POU2F1: variants seen among roughly 807,000 people sequenced by gnomAD.
The protein encoded by POU2F1 is POU class 2 homeobox 1, also known as POU domain, class 2, transcription factor 1.
In POU2F1, 16 loss-of-function variants were observed where a neutral mutation model predicts 84.9. The ratio of observed to expected loss-of-function variants is 0.19; its 90% CI spans 0.13 to 0.29. The LOEUF is 0.29. Among genes scored for constraint, POU2F1 ranks in the 10% least tolerant of loss-of-function variants. The pLI is 1.00. For synonymous variants in POU2F1, 368 were observed against 368.3 expected, an observed-to-expected ratio of 1.00 and a Z score of 0.01; for missense variants, 738 against 942.6, an observed-to-expected ratio of 0.78 and a Z score of 2.84.
chr1:167,275,893 C>T (rs1018330138), intron 1 of POU2F1, among the ~76,000 whole-genome samples: 1 of 152,106 alleles, frequency 6.6e-6, no homozygotes, highest in African/African-American at 2.4e-5. Flanking sequence ...TGGAAATATT[C>T]AAGAAAAAGT....
chr1:167,276,081 A>G (rs1652708951), intron 1 of POU2F1, among the ~76,000 whole-genome samples: 1 of 152,232 alleles, frequency 6.6e-6, no homozygotes, highest in African/African-American at 2.4e-5. Context: ...CCCACAGTCA[A>G]CTGCTGTCCA....
In POU2F1 at chr1:167,246,283, TC is replaced by T. The variant is rs567195348; in HGVS notation, c.61+25330del. On this transcript the variant is annotated intron_variant, in intron 1 of 15. Coordinates refer to ENST00000367866, the MANE Select transcript of POU2F1 (RefSeq NM_002697.4). The stretch of plus-strand genomic sequence containing the variant: ...TTCTTGAGAAATCAAATGCTGCTGT[TC>T]CCCCTTTCCTCCTAAAGCAAAGTTT... 4.0e-4 allele frequency among the ~76,000 whole-genome samples: 61 copies of T among 152,272 alleles called. 1 individual carries two copies. In the South Asian group the frequency reaches 6.8e-3, roughly 17 times the overall value.
At chr1:167,300,489 G>A (rs1048265806) in intron 1 of POU2F1, among the ~76,000 whole-genome samples, 2 of 152,110 alleles carry the variant, frequency 1.3e-5, no homozygotes, top group Admixed American at 6.5e-5. Flanking sequence ...TTTTTGAGAC[G>A]GAGTCTTGCT....
intron 1 of POU2F1, among the ~76,000 whole-genome samples, chr1:167,316,728 A>G (rs1397259297): frequency 6.6e-6 from 1 of 152,210 alleles, no homozygotes; most frequent in Non-Finnish European, 1.5e-5. Flanking sequence ...GAGAGAAAAC[A>G]TAAATTACCA....
chr1:167,247,050 G>A (rs1001071702), intron 1 of POU2F1, among the ~76,000 whole-genome samples: 57 of 151,452 alleles, frequency 3.8e-4, no homozygotes, highest in African/African-American at 1.3e-3. Context: ...GTGTGTGTGT[G>A]TGTGTGTGTG....
Position 167,378,909 on chromosome 1 carries a change from C to T in POU2F1, c.718+2754C>T, listed in dbSNP as rs557292833. On this transcript the variant is annotated intron_variant, in intron 7 of 15. Transcript: ENST00000367866. ...CTGGGATTACAGGCATGCGCCACCA[C>T]ACCCAGCTAATTTTGACTTTTTTTT... Among the ~76,000 whole-genome samples the T allele has an allele frequency of 2.0e-5, 3 of 151,554 alleles. No individual in the cohort carries two copies. In the South Asian group the frequency reaches 6.3e-4, roughly 32 times the overall value.
intron 1 of POU2F1, among the ~76,000 whole-genome samples, chr1:167,228,123 G>A (rs562845997): frequency 6.6e-6 from 1 of 152,276 alleles, no homozygotes; most frequent in African/African-American, 2.4e-5. Flanking sequence ...AGAATTTAGA[G>A]GAATGGGAAT....
At chr1:167,288,594 G>A (rs1008978071) in intron 1 of POU2F1, among the ~76,000 whole-genome samples, 7 of 152,186 alleles carry the variant, frequency 4.6e-5, no homozygotes, top group Admixed American at 2.0e-4. Flanking sequence ...GGAGGCTGAG[G>A]CAGGAGTGTT....
chr1:167,403,584 C>T (rs1213363930), intron 13 of POU2F1, among the ~76,000 whole-genome samples: 1 of 152,118 alleles, frequency 6.6e-6, no homozygotes, highest in Non-Finnish European at 1.5e-5. Context: ...ATACTGCCTT[C>T]TTTTTTTCTC....
At chr1:167,386,425 A>G (rs113453190) in intron 8 of POU2F1, among the ~76,000 whole-genome samples, 13 of 152,302 alleles carry the variant, frequency 8.5e-5, no homozygotes, top group South Asian at 8.3e-4. Context: ...GGCTCAAGCA[A>G]TCTGCGTGTC....
intron 13 of POU2F1, among the ~76,000 whole-genome samples, chr1:167,406,118 A>C (rs1461407071): frequency 2.6e-5 from 4 of 152,228 alleles, no homozygotes; most frequent in South Asian, 4.1e-4. Context: ...CAAAACTCTC[A>C]AAAGAATCTT....
chr1:167,374,875 G>A (rs1660224945), intron 6 of POU2F1, among the ~76,000 whole-genome samples: 1 of 152,112 alleles, frequency 6.6e-6, no homozygotes, highest in Admixed American at 6.5e-5. Context: ...AGACCATACT[G>A]GCTAACACGG....
chr1:167,426,913 G>C lies in POU2F1; in HGVS notation c.*11103G>C, dbSNP rs1303836785. The C allele has an allele frequency of 6.6e-6, 1 of 152,098 alleles. No individual in the cohort carries two copies. Among genetic ancestry groups the C allele is most frequent in the African/African-American group, 2.4e-5 (1 of 41,390 alleles). The allele number at this position is 152,098 out of a possible 1,614,324, so 9.4% of individuals were successfully genotyped here. A position where few individuals can be genotyped will look rare whatever the true frequency, so the allele number is the denominator to read the frequency against. Reference sequence around the variant, plus strand: ...GTAGCCTTACTGCCCCAGAGTGCCTGTTAGCCAAATATTTCCCCTCTGATA... The same window carrying C: ...GTAGCCTTACTGCCCCAGAGTGCCTCTTAGCCAAATATTTCCCCTCTGATA... On this transcript the variant is annotated 3_prime_UTR_variant, in exon 16 of 16. Transcript: ENST00000367866.
chr1:167,245,677 T>G (rs1650263198), intron 1 of POU2F1, among the ~76,000 whole-genome samples: 1 of 151,938 alleles, frequency 6.6e-6, no homozygotes, highest in Admixed American at 6.6e-5. Context: ...CCTCCCAAAG[T>G]GCTGGAATTA....
rs1268058904 is a variant in POU2F1 at position 167,389,628 on chromosome 1, A to G, written c.854A>G (p.Gln285Arg). ...CGCACAATAGCAGCAACCCCAATTC[A>G]GACACTTCCACAGAGCCAGTCAACA... is the stretch of plus-strand genomic sequence containing the variant. ...PTRTIAATPI[Q>R]TLPQSQSTPK... The change falls in exon 9 of 16, where the codon CAG becomes CGG. Residue 285 changes from glutamine (Q) to arginine (R), a missense_variant. Gln to Arg is a conservative substitution (Grantham distance 43, BLOSUM62 1). Coordinates refer to ENST00000367866, the MANE Select transcript of POU2F1 (RefSeq NM_002697.4). 1 of 1,614,222 alleles carries G rather than the reference A, an allele frequency of 6.2e-7. No individual in the cohort carries two copies. The highest frequency in any genetic ancestry group is 8.5e-7 in the Non-Finnish European group (1 of 1,180,030).
intron 8 of POU2F1, among the ~76,000 whole-genome samples, chr1:167,388,781 A>C (rs1434502482): frequency 6.6e-6 from 1 of 152,166 alleles, no homozygotes; most frequent in Admixed American, 6.5e-5. Context: ...ATTTTGGTTA[A>C]TTTGGGGTTT....
At chr1:167,260,154 A>C (rs2102431123) in intron 1 of POU2F1, among the ~76,000 whole-genome samples, 1 of 152,348 alleles carries the variant, frequency 6.6e-6, no homozygotes, top group East Asian at 1.9e-4. Context: ...CTGGGGTTAC[A>C]GGCGTAAGCC....
At chr1:167,261,927 C>T (rs1007092946) in intron 1 of POU2F1, among the ~76,000 whole-genome samples, 62 of 152,286 alleles carry the variant, frequency 4.1e-4, no homozygotes, top group Middle Eastern at 3.4e-3. Context: ...TCAAGTGATC[C>T]GCCTGCCTCA....
At chr1:167,337,826 T>C (rs1657576355) in intron 2 of POU2F1, 1 of 256,178 alleles carries the variant, frequency 3.9e-6, no homozygotes, top group African/African-American at 2.3e-5. Context: ...CATTGATTAG[T>C]AAGGAAAGAC....
Sources: allele counts gnomAD v4.1 joint callset (sites outside exome capture counted in the v4.1 genomes callset), GRCh38; gene constraint gnomAD v4.1.1; transcripts MANE v1.5; gene names NCBI Gene and HGNC (gene_info 2026-07-23, HGNC 2026-07-21).